The following VPS13B variants were observed in gnomAD, a reference collection of about 807,000 sequenced individuals.
The protein encoded by VPS13B is vacuolar protein sorting 13 homolog B, also known as intermembrane lipid transfer protein VPS13B.
VPS13B carries 285 observed loss-of-function variants against 426.4 expected under a neutral mutation model. The ratio of observed to expected loss-of-function variants is 0.67; its 90% CI spans 0.61 to 0.74. The LOEUF is 0.74. Ranked by LOEUF, VPS13B falls within the 30% of genes least tolerant of loss-of-function variation. The pLI, the probability that VPS13B is intolerant of heterozygous loss-of-function variation, is 0.00. For missense variants in VPS13B, 4,537 were observed against 4,782.6 expected (o/e 0.95, Z 1.51); for synonymous variants, 1,676 against 1,676.4 (o/e 1.00, Z 0.01).
intron 17 of VPS13B, among the ~76,000 whole-genome samples, chr8:99,239,875 T>C (rs1434349405): frequency 6.6e-6 from 1 of 152,210 alleles, no homozygotes; most frequent in Non-Finnish European, 1.5e-5. Context: ...CACTCTTTCC[T>C]CCTCATTTAC....
At chr8:99,083,989 G>T (rs1341352304) in intron 3 of VPS13B, among the ~76,000 whole-genome samples, 2 of 151,928 alleles carry the variant, frequency 1.3e-5, no homozygotes, top group Non-Finnish European at 2.9e-5. Context: ...GTTAGGGAGG[G>T]TTCCCTCTTT....
intron 2 of VPS13B, among the ~76,000 whole-genome samples, chr8:99,034,053 C>T (rs1842632702): frequency 1.3e-5 from 2 of 152,104 alleles, no homozygotes; most frequent in Admixed American, 6.6e-5. Flanking sequence ...TTGCATGTGT[C>T]ATAGTTGTTT....
chr8:99,871,054 C>T (rs1817382869), intron 60 of VPS13B, 167 bp downstream of exon 60: 1 of 725,360 alleles, frequency 1.4e-6, no homozygotes, highest in Admixed American at 2.2e-5. Flanking sequence ...CAGGAAGAGG[C>T]TGCTGTTGCC....
At chr8:99,590,627 T>C (rs1298712102) in intron 33 of VPS13B, among the ~76,000 whole-genome samples, 1 of 152,224 alleles carries the variant, frequency 6.6e-6, no homozygotes, top group Non-Finnish European at 1.5e-5. Context: ...TTGTTCAGTT[T>C]CCATGTAGTT....
chr8:99,872,472 T>TG lies in VPS13B; in HGVS notation c.11745+776dup, dbSNP rs531258997. Among the ~76,000 whole-genome samples the TG allele has an allele frequency of 4.3e-3, 652 of 152,260 alleles. 5 individuals carry two copies. The highest frequency in any genetic ancestry group is 0.015 in the African/African-American group (623 of 41,530). ...CCTGCATAAATTAATGTGGAACAGA[T>TG]GCGCAGGCAAGGCATACTGGGTGTC... On this transcript the variant is annotated intron_variant, in intron 61 of 61. Coordinates refer to ENST00000357162, the MANE Select transcript of VPS13B (RefSeq NM_152564.5).
At chr8:99,092,996 C>CA (rs1309343344) in intron 3 of VPS13B, among the ~76,000 whole-genome samples, 1 of 150,370 alleles carries the variant, frequency 6.7e-6, no homozygotes, top group African/African-American at 2.4e-5. Flanking sequence ...ATTTTGTATA[C>CA]TTTGGTATAT....
intron 6 of VPS13B, among the ~76,000 whole-genome samples, chr8:99,113,183 T>C (rs914967785): frequency 3.3e-5 from 5 of 151,660 alleles, no homozygotes; most frequent in African/African-American, 1.2e-4. Flanking sequence ...ACTGTAACCT[T>C]GAACTCCTGG....
chr8:99,661,499 A>G lies in VPS13B; in HGVS notation c.6046+8A>G. On this transcript the variant is annotated splice_region_variant and intron_variant, in intron 35 of 61. Transcript: ENST00000357162. Reference sequence around the variant, plus strand: ...ACTTTCTGAATGGACCAGGTAAGAAAGTCATAAAATTTACATGTGTGTACA... The same window carrying G: ...ACTTTCTGAATGGACCAGGTAAGAAGGTCATAAAATTTACATGTGTGTACA... 1.2e-6 allele frequency: 2 copies of G among 1,612,150 alleles called. No individual in the cohort carries two copies. Among genetic ancestry groups the G allele is most frequent in the Non-Finnish European group, 1.7e-6 (2 of 1,179,596 alleles).
intron 51 of VPS13B, among the ~76,000 whole-genome samples, chr8:99,827,535 T>G (rs1442354769): frequency 7.1e-6 from 1 of 139,946 alleles, no homozygotes; most frequent in East Asian, 2.2e-4. Flanking sequence ...AGCTCCTGGT[T>G]TCGTTGATTT....
chr8:99,637,750 G>T (rs1387211081), intron 33 of VPS13B, among the ~76,000 whole-genome samples: 2 of 152,102 alleles, frequency 1.3e-5, no homozygotes, highest in Non-Finnish European at 2.9e-5. Flanking sequence ...TTTAAAGAGG[G>T]AGAGAGTAGA....
At chr8:99,387,129 A>C (rs993345600) in intron 20 of VPS13B, among the ~76,000 whole-genome samples, 3 of 152,194 alleles carry the variant, frequency 2.0e-5, no homozygotes, top group African/African-American at 7.2e-5. Flanking sequence ...GCACTAGGCA[A>C]GTATTTTGCA....
intron 56 of VPS13B, among the ~76,000 whole-genome samples, chr8:99,857,003 A>C (rs931190748): frequency 5.3e-5 from 8 of 152,210 alleles, no homozygotes; most frequent in African/African-American, 1.9e-4. Flanking sequence ...CCAAAGTCTC[A>C]GTTTGTTGGG....
intron 19 of VPS13B, among the ~76,000 whole-genome samples, chr8:99,314,184 C>T (rs1821180136): frequency 1.3e-5 from 2 of 152,116 alleles, no homozygotes; most frequent in South Asian, 2.1e-4. Context: ...CCTGCCCCCA[C>T]TGTCCAACAA....
chr8:99,098,357 C>CA (rs1846539309), intron 4 of VPS13B, among the ~76,000 whole-genome samples: 1 of 152,144 alleles, frequency 6.6e-6, no homozygotes, highest in South Asian at 2.1e-4. Context: ...CACACACACT[C>CA]ACACATATGC....
At chr8:99,432,638 A>G (rs999502877) in intron 22 of VPS13B, among the ~76,000 whole-genome samples, 1 of 152,158 alleles carries the variant, frequency 6.6e-6, no homozygotes, top group Non-Finnish European at 1.5e-5. Context: ...ATTTTACTTT[A>G]TTTAAAGTGG....
chr8:99,152,711 C>T (rs571126751), intron 14 of VPS13B, among the ~76,000 whole-genome samples: 12 of 152,212 alleles, frequency 7.9e-5, no homozygotes, highest in East Asian at 1.9e-4. Flanking sequence ...TGTCTTTTTA[C>T]GGAATTGACA....
In VPS13B at chr8:99,096,305, A is replaced by G. The variant is rs1554612610; in HGVS notation, c.292-7A>G. On this transcript the variant is annotated splice_polypyrimidine_tract_variant and splice_region_variant and intron_variant, in intron 3 of 61. Transcript: ENST00000357162. ...GTTTTCTTTTTCTTTCTTTAAAATA[A>G]AAATAGGATGACCATGAAAGCTGTG... The G allele has an allele frequency of 4.3e-6, 7 of 1,613,728 alleles. No homozygotes were observed. Among genetic ancestry groups the G allele is most frequent in the Non-Finnish European group, 5.9e-6 (7 of 1,179,836 alleles).
intron 21 of VPS13B, among the ~76,000 whole-genome samples, chr8:99,425,254 C>T (rs1042640594): frequency 4.6e-5 from 7 of 151,998 alleles, no homozygotes; most frequent in African/African-American, 1.7e-4. Context: ...CTGGCAGAGA[C>T]CCAACAAAAA....
intron 17 of VPS13B, among the ~76,000 whole-genome samples, chr8:99,230,118 G>C (rs555741737): frequency 6.6e-6 from 1 of 152,244 alleles, no homozygotes; most frequent in South Asian, 2.1e-4. Context: ...TGAATTGTAA[G>C]AGCCATATTA....
Sources: allele counts gnomAD v4.1 joint callset (sites outside exome capture counted in the v4.1 genomes callset), GRCh38; gene constraint gnomAD v4.1.1; transcripts MANE v1.5; gene names NCBI Gene and HGNC (gene_info 2026-07-23, HGNC 2026-07-21).